TMEM207: variants seen among roughly 807,000 people sequenced by gnomAD.
TMEM207 encodes transmembrane protein 207.
Under a neutral mutation model 17.4 loss-of-function variants are expected in TMEM207, and 15 were observed. The ratio of observed to expected loss-of-function variants is 0.86; its 90% CI spans 0.58 to 1.33. TMEM207 has a LOEUF of 1.33. TMEM207 is among the 40% of genes most tolerant of loss of function. TMEM207 has a pLI of 0.00. For synonymous variants in TMEM207, 70 were observed against 65.6 expected (o/e 1.07, Z -0.33); for missense variants, 205 against 173.8 (o/e 1.18, Z -1.01).
In TMEM207 at chr3:190,440,171, G is replaced by C. The variant is rs1032666429; in HGVS notation, c.304+73C>G. 3.9e-6 allele frequency: 6 copies of C among 1,521,676 alleles called. No individual in the cohort carries two copies. The African/African-American group carries it at 8.4e-5, about 21-fold the overall frequency. The allele number at this position is 1,521,676 out of a possible 1,614,324, so 94.3% of individuals were successfully genotyped here. A position where few individuals can be genotyped will look rare whatever the true frequency, so the allele number is the denominator to read the frequency against. On this transcript the variant is annotated intron_variant, in intron 4 of 4. Coordinates refer to ENST00000354905, the MANE Select transcript of TMEM207 (RefSeq NM_207316.3). The stretch of plus-strand genomic sequence containing the variant: ...TCTAAGTTCCCAGATCTGCTTTTGG[G>C]AGAACAGTTTTTCAATTAACCGCAA...
intron 4 of TMEM207, among the ~76,000 whole-genome samples, chr3:190,432,225 G>A (rs796935369): frequency 7.2e-5 from 11 of 152,294 alleles, no homozygotes; most frequent in African/African-American, 2.6e-4. Flanking sequence ...CACTCAAATA[G>A]ACTTCACCTC....
chr3:190,434,692 C>T (rs1042454514), intron 4 of TMEM207, among the ~76,000 whole-genome samples: 10 of 152,246 alleles, frequency 6.6e-5, no homozygotes, highest in South Asian at 2.1e-4. Flanking sequence ...TCATCTTTGA[C>T]GATTTAGAGA....
At chr3:190,442,485 A>G (rs1719955907) in intron 2 of TMEM207, among the ~76,000 whole-genome samples, 1 of 152,216 alleles carries the variant, frequency 6.6e-6, no homozygotes, top group African/African-American at 2.4e-5. Flanking sequence ...GACTTTTAAC[A>G]TATGTGAAGT....
chr3:190,446,784 CT>C (rs1158972432), intron 2 of TMEM207, among the ~76,000 whole-genome samples: 1 of 152,202 alleles, frequency 6.6e-6, no homozygotes, highest in Non-Finnish European at 1.5e-5. Flanking sequence ...CTTTCCAATT[CT>C]GAACTTCTTT....
intron 4 of TMEM207, among the ~76,000 whole-genome samples, chr3:190,432,113 GCTCT>G (rs1196008741): frequency 2.0e-5 from 3 of 152,138 alleles, no homozygotes; most frequent in East Asian, 3.8e-4. Flanking sequence ...TTACAGAACT[GCTCT>G]CTAAGATATC....
intron 2 of TMEM207, 25 bp downstream of exon 2, chr3:190,447,764 CA>C: frequency 6.2e-7 from 1 of 1,606,382 alleles, no homozygotes. Context: ...GAAATAAAAA[CA>C]TGGAGTTTTT....
At position 190,440,346 on chromosome 3, in the gene TMEM207, C is replaced by A. The variant is rs1719903522; in HGVS notation, c.202G>T (p.Ala68Ser). 1 of 1,613,742 alleles carries A rather than the reference C, an allele frequency of 6.2e-7. No individual in the cohort carries two copies. Among genetic ancestry groups the A allele is most frequent in the Admixed American group, 1.7e-5 (1 of 59,924 alleles). The change falls in exon 4 of 5, where the codon GCT (alanine) becomes TCT (serine). Residue 68 changes from alanine (A) to serine (S), a missense_variant. Transcript: ENST00000354905. ...LVLVAALLCG[A>S]VVLCLQCWLR... ...CAGCACTGGAGGCAGAGGACCACAG[C>A]TCCACAGAGAAGAGCTGCCACCAAA...
At chr3:190,434,304 T>C (rs1380168546) in intron 4 of TMEM207, among the ~76,000 whole-genome samples, 1 of 152,208 alleles carries the variant, frequency 6.6e-6, no homozygotes, top group Admixed American at 6.5e-5. Context: ...AGGGATCTGA[T>C]GGAAGACAAT....
intron 2 of TMEM207, among the ~76,000 whole-genome samples, chr3:190,443,902 G>A (rs1719990383): frequency 6.6e-6 from 1 of 152,114 alleles, no homozygotes; most frequent in Admixed American, 6.5e-5. Context: ...AAGACATTTG[G>A]AATAAGAATT....
At chr3:190,440,715 CCATT>C (rs1214433164) in intron 3 of TMEM207, among the ~76,000 whole-genome samples, 1 of 152,170 alleles carries the variant, frequency 6.6e-6, no homozygotes, top group East Asian at 1.9e-4. Flanking sequence ...ATCCATCCAT[CCATT>C]CAGTTAGTAT....
intron 1 of TMEM207, 98 bp downstream of exon 1, chr3:190,449,637 G>A: frequency 9.8e-7 from 1 of 1,018,114 alleles, no homozygotes; most frequent in Non-Finnish European, 1.5e-6. Context: ...AAATGTAGAA[G>A]CAGTTAAGTT....
At position 190,429,434 on chromosome 3, in the gene TMEM207, A is replaced by T. The variant is rs1433755161; in HGVS notation, c.*161T>A. ...TTACTATTTAAACATCTCCATGACC[A>T]AAATTTTTTCCAACATCCATTCTTT... On this transcript the variant is annotated 3_prime_UTR_variant, in exon 5 of 5. Coordinates refer to ENST00000354905, the MANE Select transcript of TMEM207 (RefSeq NM_207316.3). 2.9e-6 allele frequency: 3 copies of T among 1,033,332 alleles called. No homozygotes were observed. In the East Asian group the frequency reaches 8.3e-5, roughly 29 times the overall value. The allele number at this position is 1,033,332 out of a possible 1,614,324, so 64.0% of individuals were successfully genotyped here. A position where few individuals can be genotyped will look rare whatever the true frequency, so the allele number is the denominator to read the frequency against.
intron 2 of TMEM207, among the ~76,000 whole-genome samples, chr3:190,444,975 A>G (rs1055117458): frequency 6.6e-6 from 1 of 152,232 alleles, no homozygotes; most frequent in South Asian, 2.1e-4. Context: ...AGTAAATTGT[A>G]TAGTATCTCA....
intron 2 of TMEM207, among the ~76,000 whole-genome samples, chr3:190,443,603 C>T (rs1050046725): frequency 1.3e-5 from 2 of 152,094 alleles, no homozygotes; most frequent in Admixed American, 1.3e-4. Context: ...GAATTCACTA[C>T]GTAGTCAGAG....
intron 4 of TMEM207, among the ~76,000 whole-genome samples, chr3:190,435,101 A>G (rs1435391994): frequency 1.3e-5 from 2 of 151,514 alleles, no homozygotes. Flanking sequence ...CTTCCTCCTC[A>G]CTCCCCAAGA....
At chr3:190,432,286 T>C (rs1719707642) in intron 4 of TMEM207, among the ~76,000 whole-genome samples, 1 of 152,202 alleles carries the variant, frequency 6.6e-6, no homozygotes, top group South Asian at 2.1e-4. Flanking sequence ...ACCTCATTCC[T>C]TTCTCTTCTA....
At chr3:190,449,203 T>A (rs1374191438) in intron 1 of TMEM207, among the ~76,000 whole-genome samples, 1 of 152,186 alleles carries the variant, frequency 6.6e-6, no homozygotes, top group Non-Finnish European at 1.5e-5. Context: ...AGGAAAGCTA[T>A]AATTTACTTT....
intron 2 of TMEM207, among the ~76,000 whole-genome samples, chr3:190,445,578 T>A (rs1438857612): frequency 6.6e-6 from 1 of 152,206 alleles, no homozygotes; most frequent in Non-Finnish European, 1.5e-5. Context: ...CAGGCTGGAG[T>A]GCAGTGGTGC....
intron 3 of TMEM207, 72 bp from the exon 4 acceptor site, chr3:190,440,461 T>C: frequency 6.3e-6 from 9 of 1,435,174 alleles, no homozygotes; most frequent in Non-Finnish European, 7.5e-6. Context: ...CATCACTACC[T>C]AGAAGTGGGG....
Sources: allele counts gnomAD v4.1 joint callset (sites outside exome capture counted in the v4.1 genomes callset), GRCh38; gene constraint gnomAD v4.1.1; transcripts MANE v1.5; gene names NCBI Gene and HGNC (gene_info 2026-07-23, HGNC 2026-07-21).